R3HDM1: variants seen among roughly 807,000 people sequenced by gnomAD.
R3HDM1 encodes the protein R3H domain-containing protein 1.
Under a neutral mutation model 141.1 loss-of-function variants are expected in R3HDM1, and 46 were observed. That is an observed-to-expected ratio of 0.33 (90% CI 0.26 to 0.42). The LOEUF is 0.42. Among genes scored for constraint, R3HDM1 ranks in the 10% least tolerant of loss-of-function variants. The probability of loss-of-function intolerance (pLI) is 1.00; values close to 1 mark genes in which losing one functional copy is unlikely to be tolerated. For synonymous variants in R3HDM1, 435 were observed against 472.9 expected, an observed-to-expected ratio of 0.92 and a Z score of 1.04; for missense variants, 1,184 against 1,368.3, an observed-to-expected ratio of 0.87 and a Z score of 2.12.
intron 1 of R3HDM1, among the ~76,000 whole-genome samples, chr2:135,582,626 G>C (rs1417441053): frequency 1.3e-5 from 2 of 152,134 alleles, no homozygotes; most frequent in African/African-American, 4.8e-5. Flanking sequence ...CCCACACTGC[G>C]TGGTATGGAG....
At chr2:135,604,467 A>T (rs2059878130) in intron 2 of R3HDM1, among the ~76,000 whole-genome samples, 1 of 152,170 alleles carries the variant, frequency 6.6e-6, no homozygotes, top group Admixed American at 6.5e-5. Flanking sequence ...TAAAAAAAAC[A>T]CACTTATGTG....
intron 1 of R3HDM1, among the ~76,000 whole-genome samples, chr2:135,535,165 T>G (rs762640799): frequency 6.6e-6 from 1 of 152,160 alleles, no homozygotes; most frequent in Non-Finnish European, 1.5e-5. Flanking sequence ...ATAACCACAT[T>G]TGCATATAGG....
intron 1 of R3HDM1, among the ~76,000 whole-genome samples, chr2:135,541,825 A>G (rs1193705505): frequency 6.6e-6 from 1 of 150,786 alleles, no homozygotes; most frequent in Non-Finnish European, 1.5e-5. Context: ...GCTTGACTCA[A>G]GAGTTGCCAC....
intron 25 of R3HDM1, 32 bp downstream of exon 25, chr2:135,722,038 T>C (rs768221667): frequency 4.4e-6 from 7 of 1,579,422 alleles, no homozygotes; most frequent in Non-Finnish European, 6.1e-6. Context: ...CTAGGCTTTG[T>C]TGCAGAACAT....
intron 19 of R3HDM1, chr2:135,667,631 G>A: frequency 1.0e-6 from 1 of 975,146 alleles, no homozygotes; most frequent in Non-Finnish European, 1.2e-6. Flanking sequence ...AATAATTTAT[G>A]TGGTAGCCAA....
At chr2:135,629,302 C>T (rs373381732) in intron 7 of R3HDM1, among the ~76,000 whole-genome samples, 6 of 150,192 alleles carry the variant, frequency 4.0e-5, no homozygotes, top group African/African-American at 1.2e-4. Flanking sequence ...GGGGACAGAG[C>T]GAGACTGTCT....
At chr2:135,710,368 T>A in intron 23 of R3HDM1, 137 bp downstream of exon 23, 1 of 847,626 alleles carries the variant, frequency 1.2e-6, no homozygotes, top group Non-Finnish European at 1.8e-6. Context: ...CTCTCCCCTG[T>A]AATCCCAGCA....
chr2:135,578,404 G>A (rs1368095398), intron 1 of R3HDM1, among the ~76,000 whole-genome samples: 1 of 152,188 alleles, frequency 6.6e-6, no homozygotes, highest in Non-Finnish European at 1.5e-5. Flanking sequence ...GAAAGATTGG[G>A]AGTAATGGGA....
intron 1 of R3HDM1, among the ~76,000 whole-genome samples, chr2:135,576,036 GAATA>G (rs1364254876): frequency 2.0e-5 from 3 of 152,238 alleles, no homozygotes; most frequent in Admixed American, 6.5e-5. Flanking sequence ...ACTGTCACAT[GAATA>G]AATAAATAGA....
intron 7 of R3HDM1, among the ~76,000 whole-genome samples, chr2:135,630,071 C>A (rs1321856325): frequency 1.4e-5 from 2 of 147,728 alleles, no homozygotes; most frequent in Non-Finnish European, 3.0e-5. Context: ...AAAAAAAAAA[C>A]CTTCGAGACC....
chr2:135,617,090 G>A (rs1472734066), intron 5 of R3HDM1, among the ~76,000 whole-genome samples: 2 of 152,120 alleles, frequency 1.3e-5, no homozygotes, highest in East Asian at 1.9e-4. Flanking sequence ...TTGGGAAGCC[G>A]AGGTGGGCAC....
intron 11 of R3HDM1, among the ~76,000 whole-genome samples, chr2:135,637,401 TC>T (rs1422821453): frequency 6.6e-6 from 1 of 152,094 alleles, no homozygotes; most frequent in African/African-American, 2.4e-5. Flanking sequence ...ACACCTGTAA[TC>T]CCACCACTAT....
intron 19 of R3HDM1, among the ~76,000 whole-genome samples, chr2:135,670,009 C>T (rs1044940636): frequency 2.6e-5 from 4 of 151,746 alleles, no homozygotes; most frequent in Non-Finnish European, 4.4e-5. Flanking sequence ...TATGCTGGCA[C>T]GCACCTGTAA....
At position 135,715,553 on chromosome 2, in the gene R3HDM1, A is replaced by G; in HGVS notation, c.2740A>G (p.Ser914Gly). ...FSSVDNIVQH[S>G]PQLSSPIISP... is the part of the protein sequence containing the mutation. ...TCTTGACGTATTGTAATTGCAGCAC[A>G]GCCCTCAACTCAGTAGCCCCATTAT... Residue 914 changes from serine (S) to glycine (G), a missense_variant, in exon 24 of 27, where the codon AGC (serine) becomes GGC (glycine). Ser to Gly is a moderately conservative substitution (Grantham distance 56, BLOSUM62 0). Transcript: ENST00000683871. 1 of 1,611,876 alleles carries G rather than the reference A, an allele frequency of 6.2e-7. No individual in the cohort carries two copies. The highest frequency in any genetic ancestry group is 8.5e-7 in the Non-Finnish European group (1 of 1,179,230).
At chr2:135,683,953 A>AATAC (rs3074523) in intron 21 of R3HDM1, among the ~76,000 whole-genome samples, 37,380 of 147,872 alleles carry the variant, frequency 0.25, 5,416 homozygotes, top group Middle Eastern at 0.55. Flanking sequence ...CTGTCTCATA[A>AATAC]ATACATACAT....
Position 135,724,326 on chromosome 2 carries a change from C to T in R3HDM1, c.*34C>T. 6.8e-7 allele frequency: 1 copy of T among 1,463,602 alleles called. No individual in the cohort carries two copies. Among genetic ancestry groups the T allele is most frequent in the East Asian group, 2.4e-5 (1 of 41,822 alleles). The allele number at this position is 1,463,602 out of a possible 1,614,324, so 90.7% of individuals were successfully genotyped here. The stretch of plus-strand genomic sequence containing the variant: ...TTTGGACCCTTCGCCTTTATGGTTC[C>T]CCTGCCCTCTCCCATCTTTGATTGG... On this transcript the variant is annotated 3_prime_UTR_variant, in exon 27 of 27. Transcript: ENST00000683871.
rs1337676990 is a variant in R3HDM1 at position 135,616,657 on chromosome 2, C to T, written c.214-11C>T. ...TGAAATGTAGTGTTAATTATAAATACTTCTCTTTAGTCAAGCTCAAAGTTA... is the reference window on the plus strand; with the variant it reads ...TGAAATGTAGTGTTAATTATAAATATTTCTCTTTAGTCAAGCTCAAAGTTA... On this transcript the variant is annotated splice_polypyrimidine_tract_variant and intron_variant, in intron 4 of 26. Transcript: ENST00000683871. 4 of 1,581,038 alleles carry T rather than the reference C, an allele frequency of 2.5e-6. No individual in the cohort carries two copies. The highest frequency in any genetic ancestry group is 2.3e-5 in the South Asian group (2 of 88,080).
At chr2:135,536,971 C>T (rs1574359756) in intron 1 of R3HDM1, among the ~76,000 whole-genome samples, 2 of 150,002 alleles carry the variant, frequency 1.3e-5, no homozygotes, top group South Asian at 2.1e-4. Flanking sequence ...TAACCATCCT[C>T]CTCACCGCCT....
At chr2:135,667,833 C>T in intron 19 of R3HDM1, 1 of 872,318 alleles carries the variant, frequency 1.1e-6, no homozygotes, top group Non-Finnish European at 1.4e-6. Context: ...ACTCTGTACC[C>T]ACTCTTGCTT....
Sources: allele counts gnomAD v4.1 joint callset (sites outside exome capture counted in the v4.1 genomes callset), GRCh38; gene constraint gnomAD v4.1.1; transcripts MANE v1.5; gene names NCBI Gene and HGNC (gene_info 2026-07-23, HGNC 2026-07-21).